Variants in MYO16 observed in about 807,000 individuals in gnomAD.
The protein encoded by MYO16 is myosin XVI.
MYO16 carries 94 observed loss-of-function variants against 205.3 expected under a neutral mutation model. That is an observed-to-expected ratio of 0.46 (90% CI 0.39 to 0.54). MYO16 has a LOEUF of 0.54. Ranked by LOEUF, MYO16 falls within the 20% of genes least tolerant of loss-of-function variation. The pLI is 0.00. For synonymous variants in MYO16, 988 were observed against 954.0 expected, an observed-to-expected ratio of 1.04 and a Z score of -0.66; for missense variants, 2,315 against 2,387.5, an observed-to-expected ratio of 0.97 and a Z score of 0.63.
At chr13:108,847,543 G>A in intron 10 of MYO16, among the ~76,000 whole-genome samples, 1 of 152,172 alleles carries the variant, frequency 6.6e-6, no homozygotes, top group Middle Eastern at 3.4e-3. Flanking sequence ...ACATTTTAGA[G>A]ATAAATACAT....
In MYO16 at chr13:108,637,472, C is replaced by G. The variant is rs192625419; in HGVS notation, c.28+7600C>G. Among the ~76,000 whole-genome samples the G allele has an allele frequency of 2.1e-3, 317 of 152,278 alleles. 2 individuals carry two copies. Among genetic ancestry groups the G allele is most frequent in the African/African-American group, 7.1e-3 (297 of 41,574 alleles). ...GATAGATTAAGTCAATTTTAGTTTC[C>G]TTTTATTTTATTCATTTATTCAGTA... is the stretch of plus-strand genomic sequence containing the variant. On this transcript the variant is annotated intron_variant, in intron 1 of 34. Coordinates refer to ENST00000457511, the MANE Select transcript of MYO16 (RefSeq NM_001198950.3).
intron 29 of MYO16, among the ~76,000 whole-genome samples, chr13:109,121,269 T>C (rs753386712): frequency 9.2e-5 from 14 of 152,272 alleles, no homozygotes; most frequent in Admixed American, 4.6e-4. Flanking sequence ...AGGTTGCCTC[T>C]GGGTCTTCCA....
chr13:108,758,207 A>G (rs987106951), intron 4 of MYO16, among the ~76,000 whole-genome samples: 2 of 152,224 alleles, frequency 1.3e-5, no homozygotes, highest in African/African-American at 2.4e-5. Context: ...TCTGTTGTTT[A>G]TAAGCCACCC....
chr13:109,149,986 A>G (rs181273428), intron 32 of MYO16, among the ~76,000 whole-genome samples: 12 of 152,316 alleles, frequency 7.9e-5, no homozygotes, highest in Admixed American at 7.2e-4. Flanking sequence ...TTTGTAGGAC[A>G]CATATGACTT....
intron 1 of MYO16, among the ~76,000 whole-genome samples, chr13:108,633,368 C>T (rs1880075442): frequency 6.6e-6 from 1 of 152,148 alleles, no homozygotes; most frequent in Admixed American, 6.5e-5. Context: ...GACAGTGCAG[C>T]CTTTAGTCTG....
chr13:108,739,969 C>T (rs1302176757), intron 4 of MYO16, among the ~76,000 whole-genome samples: 1 of 152,172 alleles, frequency 6.6e-6, no homozygotes, highest in Non-Finnish European at 1.5e-5. Flanking sequence ...GTTCTCGTGC[C>T]ATGGTTTTCA....
chr13:108,740,834 CA>C (rs56267837), intron 4 of MYO16, among the ~76,000 whole-genome samples: 6,972 of 152,234 alleles, frequency 0.046, 255 homozygotes, highest in East Asian at 0.13. Context: ...TCAGCAATGG[CA>C]GGCACCCCTC....
chr13:108,589,496 G>A, the MYO16 span, among the ~76,000 whole-genome samples: 5 of 152,088 alleles, frequency 3.3e-5, no homozygotes, highest in African/African-American at 7.2e-5. Context: ...ATTGTTTCAT[G>A]AAATTGTTAT....
the MYO16 span, among the ~76,000 whole-genome samples, chr13:108,508,586 C>T: frequency 6.6e-6 from 1 of 152,120 alleles, no homozygotes; most frequent in Non-Finnish European, 1.5e-5. Context: ...GTCTTGCTAT[C>T]TCCTGAAAGC....
chr13:109,051,516 A>G (rs1166933580), intron 24 of MYO16, among the ~76,000 whole-genome samples: 1 of 152,126 alleles, frequency 6.6e-6, no homozygotes, highest in African/African-American at 2.4e-5. Flanking sequence ...CTTAAAAACC[A>G]CCTACATTCA....
intron 16 of MYO16, among the ~76,000 whole-genome samples, chr13:108,917,438 G>A (rs545171048): frequency 6.6e-6 from 1 of 152,360 alleles, no homozygotes; most frequent in African/African-American, 2.4e-5. Context: ...TCCCAGCCCG[G>A]CAGGTGAAGG....
the MYO16 span, among the ~76,000 whole-genome samples, chr13:108,498,506 T>A: frequency 1.4e-4 from 21 of 152,162 alleles, no homozygotes; most frequent in African/African-American, 3.9e-4. Flanking sequence ...TCCCTTCCTG[T>A]GTGATTCTCT....
At chr13:108,738,832 G>A (rs972220640) in intron 4 of MYO16, among the ~76,000 whole-genome samples, 3 of 152,164 alleles carry the variant, frequency 2.0e-5, no homozygotes, top group African/African-American at 7.2e-5. Flanking sequence ...TGTATTGGGT[G>A]CATATATATT....
chr13:108,665,104 T>A (rs1467664206), intron 1 of MYO16, among the ~76,000 whole-genome samples: 5 of 152,108 alleles, frequency 3.3e-5, no homozygotes, highest in Admixed American at 2.0e-4. Flanking sequence ...ACATATATTC[T>A]CCTGTTTTCC....
At chr13:108,592,347 T>G, upstream of MYO16, among the ~76,000 whole-genome samples, 1 of 113,526 alleles carries the variant, frequency 8.8e-6, no homozygotes. Flanking sequence ...GTGTGTGGGA[T>G]GTGTGTGTGG....
chr13:108,611,007 A>T (rs1926538), intron 1 of MYO16, among the ~76,000 whole-genome samples: 112,457 of 152,054 alleles, frequency 0.74, 41,816 homozygotes, highest in Non-Finnish European at 0.77. Context: ...AGCCATCATG[A>T]TTTGAATGAT....
At chr13:108,693,134 T>C (rs1882963625) in intron 2 of MYO16, among the ~76,000 whole-genome samples, 1 of 152,218 alleles carries the variant, frequency 6.6e-6, no homozygotes, top group Admixed American at 6.5e-5. Flanking sequence ...GATAGTCTTA[T>C]AAATTACAAT....
intron 4 of MYO16, among the ~76,000 whole-genome samples, chr13:108,732,972 T>C (rs1236700921): frequency 6.6e-6 from 1 of 152,162 alleles, no homozygotes; most frequent in Non-Finnish European, 1.5e-5. Flanking sequence ...TTTTGTTTGC[T>C]GAGATAGAGA....
At chr13:108,667,422 T>A (rs1881789789) in intron 2 of MYO16, among the ~76,000 whole-genome samples, 2 of 151,050 alleles carry the variant, frequency 1.3e-5, no homozygotes, top group Non-Finnish European at 2.9e-5. Context: ...ACTTTACCCA[T>A]GAAGGAACTG....
Sources: allele counts gnomAD v4.1 joint callset (sites outside exome capture counted in the v4.1 genomes callset), GRCh38; gene constraint gnomAD v4.1.1; transcripts MANE v1.5; gene names NCBI Gene and HGNC (gene_info 2026-07-23, HGNC 2026-07-21).